PDGFD: variants seen among roughly 807,000 people sequenced by gnomAD.
PDGFD encodes platelet derived growth factor D.
Under a neutral mutation model 44.7 loss-of-function variants are expected in PDGFD, and 30 were observed. The observed-to-expected ratio is 0.67, with a 90% CI of 0.50 to 0.91. The LOEUF is 0.91. Among genes scored for constraint, PDGFD ranks in the 40% least tolerant of loss-of-function variants. The pLI is 0.00. For missense variants in PDGFD, 445 were observed against 457.8 expected (o/e 0.97, Z 0.25); for synonymous variants, 173 against 168.4 (o/e 1.03, Z -0.21).
intron 1 of PDGFD, among the ~76,000 whole-genome samples, chr11:104,019,887 A>G (rs1026927560): frequency 2.0e-5 from 3 of 152,132 alleles, no homozygotes; most frequent in Non-Finnish European, 4.4e-5. Context: ...GAAAAAAATC[A>G]CCTAATCTAC....
At chr11:104,038,798 T>C (rs567470929) in intron 1 of PDGFD, 3 of 167,124 alleles carry the variant, frequency 1.8e-5, no homozygotes, top group Admixed American at 6.5e-5. Context: ...AGTTGTACAG[T>C]GGTGGGAATG....
chr11:104,150,129 A>C (rs1294584057), intron 1 of PDGFD, among the ~76,000 whole-genome samples: 1 of 152,174 alleles, frequency 6.6e-6, no homozygotes, highest in Non-Finnish European at 1.5e-5. Context: ...ATTTTTATGG[A>C]ATTAAAAATG....
In PDGFD at chr11:104,163,967, A is replaced by G; in HGVS notation, c.-40T>C. 1 of 1,495,664 alleles carries G rather than the reference A, an allele frequency of 6.7e-7. No individual in the cohort carries two copies. The highest frequency in any genetic ancestry group is 9.0e-7 in the Non-Finnish European group (1 of 1,107,120). 92.6% of individuals were successfully genotyped at this position (1,495,664 alleles called of 1,614,324 possible). A position where few individuals can be genotyped will look rare whatever the true frequency, so the allele number is the denominator to read the frequency against. ...TAGAGACAGCGTCGCTCCAAGAAAA[A>G]GCCGGGTTCTGCTCCCGGGACCGAC... is the stretch of plus-strand genomic sequence containing the variant. On this transcript the variant is annotated 5_prime_UTR_variant, in exon 1 of 7. Coordinates refer to ENST00000393158, the MANE Select transcript of PDGFD (RefSeq NM_025208.5).
At chr11:103,925,900 T>C (rs886230795) in intron 6 of PDGFD, among the ~76,000 whole-genome samples, 2 of 151,872 alleles carry the variant, frequency 1.3e-5, no homozygotes, top group Non-Finnish European at 2.9e-5. Flanking sequence ...GGCTAATTTT[T>C]GTATTTTTAG....
chr11:103,953,686 A>G (rs575334529), intron 3 of PDGFD, among the ~76,000 whole-genome samples: 1 of 152,216 alleles, frequency 6.6e-6, no homozygotes, highest in African/African-American at 2.4e-5. Context: ...TTTATCTCAT[A>G]AAGAGGATTC....
Position 103,907,482 on chromosome 11 carries a change from G to C in PDGFD, c.*2212C>G, listed in dbSNP as rs1194332505. 1 of 152,168 alleles carries C rather than the reference G, an allele frequency of 6.6e-6. No individual in the cohort carries two copies. The highest frequency in any genetic ancestry group is 1.5e-5 in the Non-Finnish European group (1 of 68,034). 9.4% of individuals were successfully genotyped at this position (152,168 alleles called of 1,614,324 possible). A position where few individuals can be genotyped will look rare whatever the true frequency, so the allele number is the denominator to read the frequency against. On this transcript the variant is annotated 3_prime_UTR_variant, in exon 7 of 7. Coordinates refer to ENST00000393158, the MANE Select transcript of PDGFD (RefSeq NM_025208.5). The stretch of plus-strand genomic sequence containing the variant: ...AAATAGATTTATTGGCTACATGTTA[G>C]AAGTGCAAAAGATAACAGGTAACCA...
intron 1 of PDGFD, among the ~76,000 whole-genome samples, chr11:104,052,338 A>C (rs528298579): frequency 6.5e-4 from 96 of 146,918 alleles, no homozygotes; most frequent in African/African-American, 2.2e-3. Flanking sequence ...TATCCTGATT[A>C]ATAAAACTCT....
At chr11:104,091,962 C>T (rs1209305327) in intron 1 of PDGFD, among the ~76,000 whole-genome samples, 1 of 152,172 alleles carries the variant, frequency 6.6e-6, no homozygotes. Flanking sequence ...GTTAAACAAA[C>T]CTCATACGTG....
At chr11:103,944,850 T>A (rs1375486131) in intron 4 of PDGFD, among the ~76,000 whole-genome samples, 2 of 152,116 alleles carry the variant, frequency 1.3e-5, no homozygotes, top group African/African-American at 4.8e-5. Flanking sequence ...TTGGTATAAC[T>A]CAGGAGCAGT....
chr11:104,057,947 A>G (rs1003457145), intron 1 of PDGFD, among the ~76,000 whole-genome samples: 4 of 152,210 alleles, frequency 2.6e-5, no homozygotes, highest in African/African-American at 7.2e-5. Context: ...ATTGTGCTAG[A>G]ACAACAGAGA....
At chr11:104,080,005 TTGTC>T (rs1170615263) in intron 1 of PDGFD, among the ~76,000 whole-genome samples, 1 of 152,216 alleles carries the variant, frequency 6.6e-6, no homozygotes, top group African/African-American at 2.4e-5. Context: ...GACGGTATTA[TTGTC>T]TATGCATACC....
chr11:104,105,700 A>T (rs1861463168), intron 1 of PDGFD, among the ~76,000 whole-genome samples: 1 of 152,096 alleles, frequency 6.6e-6, no homozygotes, highest in Non-Finnish European at 1.5e-5. Flanking sequence ...TAATTTCCAA[A>T]ATGACAGTAG....
intron 1 of PDGFD, among the ~76,000 whole-genome samples, chr11:104,098,091 G>T (rs1861311104): frequency 6.6e-6 from 1 of 152,154 alleles, no homozygotes; most frequent in Non-Finnish European, 1.5e-5. Context: ...TTCAATAATT[G>T]TTGAGATGGG....
intron 3 of PDGFD, among the ~76,000 whole-genome samples, chr11:103,992,771 G>A (rs923499381): frequency 2.0e-5 from 3 of 152,152 alleles, no homozygotes; most frequent in East Asian, 1.9e-4. Context: ...GTAAAAAACC[G>A]ACTAAAAATG....
chr11:104,161,082 C>T (rs183299824), intron 1 of PDGFD, among the ~76,000 whole-genome samples: 29 of 152,236 alleles, frequency 1.9e-4, no homozygotes, highest in Admixed American at 3.3e-4. Context: ...ACTAACAAGT[C>T]CAGCAGGAAC....
At chr11:104,033,016 G>A (rs913478583) in intron 1 of PDGFD, among the ~76,000 whole-genome samples, 13 of 151,206 alleles carry the variant, frequency 8.6e-5, no homozygotes, top group Admixed American at 4.6e-4. Context: ...TACATGATAG[G>A]GATTTACGGT....
At chr11:103,935,024 T>G (rs1490650167) in intron 5 of PDGFD, among the ~76,000 whole-genome samples, 1 of 152,060 alleles carries the variant, frequency 6.6e-6, no homozygotes, top group African/African-American at 2.4e-5. Flanking sequence ...CAGAAAAAAA[T>G]TAGCACAGCA....
chr11:104,077,570 T>G (rs961642834), intron 1 of PDGFD, among the ~76,000 whole-genome samples: 2 of 152,180 alleles, frequency 1.3e-5, no homozygotes, highest in African/African-American at 2.4e-5. Context: ...AGAATATCCC[T>G]GTACAGAAGT....
chr11:104,102,432 G>A (rs1297615472), intron 1 of PDGFD, among the ~76,000 whole-genome samples: 1 of 152,090 alleles, frequency 6.6e-6, no homozygotes, highest in Non-Finnish European at 1.5e-5. Context: ...GAAACAACAG[G>A]TGCTGGAGAG....
Sources: gnomAD v4.1 joint callset for allele counts (sites outside exome capture counted in the v4.1 genomes callset) on GRCh38, gnomAD v4.1.1 for gene constraint, MANE v1.5 for transcripts, NCBI Gene and HGNC (gene_info 2026-07-23, HGNC 2026-07-21) for gene names.